Variants in DNAH3 observed in about 807,000 individuals in gnomAD.
DNAH3 encodes dynein axonemal heavy chain 3.
A neutral mutation model predicts 432.5 loss-of-function variants in DNAH3; 332 were observed. The observed-to-expected ratio is 0.77, with a 90% CI of 0.70 to 0.84. The LOEUF is 0.84. Ranked by LOEUF, DNAH3 falls within the 40% of genes least tolerant of loss-of-function variation. The probability of loss-of-function intolerance (pLI) is 0.00; values close to 1 mark genes in which losing one functional copy is unlikely to be tolerated. For synonymous variants in DNAH3, 1,956 were observed against 1,900.2 expected, an observed-to-expected ratio of 1.03 and a Z score of -0.76; for missense variants, 4,861 against 5,114.0, an observed-to-expected ratio of 0.95 and a Z score of 1.51.
intron 54 of DNAH3, 22 bp downstream of exon 54, chr16:20,959,157 C>A: frequency 6.2e-7 from 1 of 1,607,358 alleles, no homozygotes; most frequent in Non-Finnish European, 8.5e-7. Flanking sequence ...CCAGAGAAGG[C>A]AGTGGTGGGA....
At chr16:20,966,862 C>T (rs2085087113) in intron 52 of DNAH3, among the ~76,000 whole-genome samples, 1 of 152,120 alleles carries the variant, frequency 6.6e-6, no homozygotes, top group African/African-American at 2.4e-5. Flanking sequence ...AGGCTTCCAC[C>T]CATACAGAAG....
At chr16:20,961,432 C>T (rs1316567058) in intron 53 of DNAH3, among the ~76,000 whole-genome samples, 1 of 151,736 alleles carries the variant, frequency 6.6e-6, no homozygotes, top group East Asian at 1.9e-4. Context: ...CAACATGGCA[C>T]ATATATACAT....
intron 12 of DNAH3, 120 bp from the exon 13 acceptor site, chr16:21,112,218 A>G (rs564643361): frequency 2.9e-6 from 2 of 689,036 alleles, no homozygotes; most frequent in East Asian, 5.5e-5. Context: ...GCCAGGAAAG[A>G]GAACTATAAT....
At chr16:21,043,302 T>A (rs1366934901) in intron 31 of DNAH3, among the ~76,000 whole-genome samples, 1 of 145,712 alleles carries the variant, frequency 6.9e-6, no homozygotes, top group Non-Finnish European at 1.5e-5. Context: ...TGTAAAAGTG[T>A]TCCTATTTCT....
chr16:21,105,309 G>T (rs2091921719), intron 15 of DNAH3, among the ~76,000 whole-genome samples: 1 of 152,200 alleles, frequency 6.6e-6, no homozygotes, highest in African/African-American at 2.4e-5. Flanking sequence ...AAAATGGCTT[G>T]TTGAGAGGTT....
rs186343220 is a variant in DNAH3, at chr16:20,943,021, T to C, written c.11511+1475A>G. The stretch of plus-strand genomic sequence containing the variant: ...TCACTGCAGCCTCGACCTCCTGGGT[T>C]CAAGTGATCCTCCTGCCGCAGCCCC... On this transcript the variant is annotated intron_variant, in intron 58 of 61. Coordinates refer to ENST00000261383, the Ensembl canonical transcript of DNAH3. Among the ~76,000 whole-genome samples the C allele has an allele frequency of 4.7e-3, 714 of 152,210 alleles. 5 individuals carry two copies. Among genetic ancestry groups the C allele is most frequent in the African/African-American group, 0.016 (650 of 41,524 alleles).
Position 21,077,382 on chromosome 16 carries a change from T to C in DNAH3, c.2970-1821A>G, listed in dbSNP as rs1298410306. Among the ~76,000 whole-genome samples, 3 of 152,238 alleles carry C rather than the reference T, an allele frequency of 2.0e-5. No homozygotes were observed. The East Asian group carries it at 5.8e-4, about 29-fold the overall frequency. On this transcript the variant is annotated intron_variant, in intron 20 of 61. Coordinates refer to ENST00000261383, the Ensembl canonical transcript of DNAH3. ...TTCACCATATTGGCCACGCTGGTCT[T>C]GAACTCCTGACCACAAGTGATCCGC...
At chr16:20,997,049 A>C in intron 44 of DNAH3, 1 of 462,234 alleles carries the variant, frequency 2.2e-6, no homozygotes, top group Non-Finnish European at 3.9e-6. Flanking sequence ...TTCCTATGAG[A>C]CTCTCTGTTT....
chr16:21,125,179 T>A, exon 9 of DNAH3: 1 of 1,600,342 alleles, frequency 6.2e-7, no homozygotes, highest in South Asian at 1.1e-5. Context: ...ACTTACTTTG[T>A]GTATCATGAA....
intron 58 of DNAH3, among the ~76,000 whole-genome samples, chr16:20,941,774 T>C (rs2152568089): frequency 6.6e-6 from 1 of 152,292 alleles, no homozygotes; most frequent in Non-Finnish European, 1.5e-5. Context: ...AGTCCTGTCC[T>C]TGGCAGAGCA....
At chr16:21,152,540 C>G (rs1186510820) in intron 1 of DNAH3, among the ~76,000 whole-genome samples, 1 of 152,264 alleles carries the variant, frequency 6.6e-6, no homozygotes, top group Non-Finnish European at 1.5e-5. Flanking sequence ...GTGAGAGCTC[C>G]TTTCTGGGCT....
At chr16:20,938,429 T>C (rs1357178179) in intron 59 of DNAH3, among the ~76,000 whole-genome samples, 1 of 151,558 alleles carries the variant, frequency 6.6e-6, no homozygotes, top group Non-Finnish European at 1.5e-5. Flanking sequence ...TTCAGACATG[T>C]GTTTGCTAAG....
At chr16:21,039,381 G>C (rs1237977723) in intron 33 of DNAH3, among the ~76,000 whole-genome samples, 1 of 152,024 alleles carries the variant, frequency 6.6e-6, no homozygotes, top group African/African-American at 2.4e-5. Context: ...ACCAAGCCCA[G>C]CTAATTTTTG....
intron 17 of DNAH3, among the ~76,000 whole-genome samples, chr16:21,097,770 A>C (rs2091727420): frequency 6.6e-6 from 1 of 152,172 alleles, no homozygotes; most frequent in African/African-American, 2.4e-5. Flanking sequence ...TGACAGCCAT[A>C]TCTCCGTTTT....
At chr16:21,012,256 T>C (rs563043699) in intron 41 of DNAH3, among the ~76,000 whole-genome samples, 2 of 152,168 alleles carry the variant, frequency 1.3e-5, no homozygotes, top group Admixed American at 1.3e-4. Context: ...AGCCAGAAAA[T>C]TATTTTTTTC....
At chr16:21,006,401 T>A (rs2087303964) in intron 41 of DNAH3, among the ~76,000 whole-genome samples, 1 of 152,242 alleles carries the variant, frequency 6.6e-6, no homozygotes, top group Non-Finnish European at 1.5e-5. Context: ...AGTGTACAAT[T>A]CAGTTGTACT....
At chr16:21,050,604 T>A (rs1397423207) in intron 29 of DNAH3, among the ~76,000 whole-genome samples, 6 of 152,120 alleles carry the variant, frequency 3.9e-5, no homozygotes, top group African/African-American at 1.4e-4. Flanking sequence ...CACACCCAGT[T>A]AATTTTCATA....
intron 19 of DNAH3, among the ~76,000 whole-genome samples, chr16:21,084,165 G>T (rs1219211812): frequency 1.3e-5 from 2 of 152,120 alleles, no homozygotes; most frequent in Non-Finnish European, 2.9e-5. Context: ...TCCGTGAAAT[G>T]GAGATAATAA....
intron 21 of DNAH3, among the ~76,000 whole-genome samples, chr16:21,072,573 T>C (rs1412691739): frequency 1.3e-5 from 2 of 152,066 alleles, no homozygotes; most frequent in Non-Finnish European, 2.9e-5. Flanking sequence ...GTGATCTGCC[T>C]GCCTCAGCCT....
Sources: gnomAD v4.1 joint callset for allele counts (sites outside exome capture counted in the v4.1 genomes callset) on GRCh38, gnomAD v4.1.1 for gene constraint, MANE v1.5 for transcripts, NCBI Gene and HGNC (gene_info 2026-07-23, HGNC 2026-07-21) for gene names.